The following MAP7 variants were observed in gnomAD, a reference collection of about 807,000 sequenced individuals.
MAP7 encodes microtubule associated protein 7.
A neutral mutation model predicts 94.8 loss-of-function variants in MAP7; 52 were observed. The observed-to-expected ratio is 0.55, with a 90% CI of 0.44 to 0.69. MAP7 has a LOEUF of 0.69. Ranked by LOEUF, MAP7 falls within the 30% of genes least tolerant of loss-of-function variation. The pLI, the probability that MAP7 is intolerant of heterozygous loss-of-function variation, is 0.00. For missense variants in MAP7, 940 were observed against 964.6 expected (o/e 0.97, Z 0.34); for synonymous variants, 350 against 357.0 (o/e 0.98, Z 0.22).
intron 3 of MAP7, among the ~76,000 whole-genome samples, chr6:136,391,553 A>AC: frequency 1.3e-5 from 1 of 79,360 alleles, no homozygotes; most frequent in Admixed American, 1.6e-4. Flanking sequence ...GAGTATAATA[A>AC]AAAACAACAA....
chr6:136,513,741 C>G (rs1823935893), intron 1 of MAP7, among the ~76,000 whole-genome samples: 1 of 152,156 alleles, frequency 6.6e-6, no homozygotes, highest in African/African-American at 2.4e-5. Flanking sequence ...AGATCCATTC[C>G]TTGTCTATGA....
intron 15 of MAP7, among the ~76,000 whole-genome samples, chr6:136,359,192 T>C (rs891815614): frequency 2.6e-5 from 4 of 152,206 alleles, no homozygotes; most frequent in Admixed American, 1.3e-4. Flanking sequence ...CCAAAGCCGA[T>C]GGCATATCAG....
At chr6:136,525,978 G>GTTTT in intron 1 of MAP7, 4 of 1,230,544 alleles carry the variant, frequency 3.3e-6, no homozygotes, top group South Asian at 3.3e-5. Context: ...GCTGCTACTT[G>GTTTT]TTTTTTTTTT....
intron 1 of MAP7, among the ~76,000 whole-genome samples, chr6:136,465,240 T>C (rs1416932844): frequency 6.6e-6 from 1 of 152,238 alleles, no homozygotes; most frequent in Non-Finnish European, 1.5e-5. Context: ...AAATTGAGTA[T>C]TTTAAGCCAC....
chr6:136,404,678 A>G (rs1785080983), intron 3 of MAP7, among the ~76,000 whole-genome samples: 1 of 152,200 alleles, frequency 6.6e-6, no homozygotes, highest in South Asian at 2.1e-4. Context: ...GGTTTCAGAA[A>G]AAGACTAAAT....
At chr6:136,394,129 G>A (rs573347694) in intron 3 of MAP7, among the ~76,000 whole-genome samples, 41 of 151,830 alleles carry the variant, frequency 2.7e-4, no homozygotes, top group African/African-American at 7.5e-4. Flanking sequence ...GACTACAGGC[G>A]CGTGCCACCA....
intron 17 of MAP7, among the ~76,000 whole-genome samples, chr6:136,345,338 C>T (rs1174658381): frequency 6.6e-6 from 1 of 152,204 alleles, no homozygotes; most frequent in Non-Finnish European, 1.5e-5. Flanking sequence ...TAAATCGTAA[C>T]TATCCATCAT....
Position 136,394,440 on chromosome 6 carries a change from T to C in MAP7, c.245-4923A>G, listed in dbSNP as rs1781725176. ...TGATAGGTTTAATTTTTTTTTATGTTTTTTATTGACGTAGAATAACTGTGC... is the reference window on the plus strand; with the variant it reads ...TGATAGGTTTAATTTTTTTTTATGTCTTTTATTGACGTAGAATAACTGTGC... On this transcript the variant is annotated intron_variant, in intron 3 of 17. Transcript: ENST00000354570. Among the ~76,000 whole-genome samples the C allele has an allele frequency of 2.6e-5, 4 of 152,136 alleles. No individual in the cohort carries two copies. In the South Asian group the frequency reaches 8.3e-4, roughly 31 times the overall value.
chr6:136,508,130 A>G (rs1163908516), intron 1 of MAP7, among the ~76,000 whole-genome samples: 1 of 151,968 alleles, frequency 6.6e-6, no homozygotes, highest in Non-Finnish European at 1.5e-5. Context: ...GTTTGAGACC[A>G]GCCTGGGCAA....
At chr6:136,503,236 C>T (rs1820325419) in intron 1 of MAP7, among the ~76,000 whole-genome samples, 1 of 152,168 alleles carries the variant, frequency 6.6e-6, no homozygotes, top group Admixed American at 6.5e-5. Flanking sequence ...AGGCGGCCAA[C>T]TTAACTTTTT....
chr6:136,467,839 G>T (rs1368608995), intron 1 of MAP7, among the ~76,000 whole-genome samples: 6 of 152,078 alleles, frequency 3.9e-5, no homozygotes, highest in African/African-American at 1.4e-4. Context: ...ATGTGAAAAG[G>T]AAAACACAAT....
chr6:136,401,782 A>T (rs1036660299), intron 3 of MAP7, among the ~76,000 whole-genome samples: 2 of 140,760 alleles, frequency 1.4e-5, no homozygotes, highest in South Asian at 2.2e-4. Context: ...AAGTATAATT[A>T]AAAAAAAAAA....
intron 1 of MAP7, among the ~76,000 whole-genome samples, chr6:136,547,282 A>G (rs1224698016): frequency 1.3e-5 from 2 of 152,244 alleles, no homozygotes. Flanking sequence ...CAGAATTGAC[A>G]GGTTATTGGC....
chr6:136,530,694 C>G (rs1270495992), intron 1 of MAP7, among the ~76,000 whole-genome samples: 1 of 145,126 alleles, frequency 6.9e-6, no homozygotes, highest in Non-Finnish European at 1.5e-5. Context: ...CAGCATCATG[C>G]ATAGCATAGA....
chr6:136,453,026 C>T (rs900954158), intron 1 of MAP7, among the ~76,000 whole-genome samples: 2 of 152,138 alleles, frequency 1.3e-5, no homozygotes, highest in Non-Finnish European at 2.9e-5. Flanking sequence ...AAAGTATCTA[C>T]AAGGTATGCC....
intron 7 of MAP7, among the ~76,000 whole-genome samples, chr6:136,376,366 T>C (rs761910047): frequency 3.3e-5 from 5 of 152,048 alleles, no homozygotes; most frequent in African/African-American, 7.3e-5. Context: ...CCCAAAGTGC[T>C]GGGATTACAG....
Position 136,380,101 on chromosome 6 carries a change from C to T in MAP7, c.638-2233G>A, listed in dbSNP as rs188780186. Among the ~76,000 whole-genome samples, 41 of 152,202 alleles carry T rather than the reference C, an allele frequency of 2.7e-4. No individual in the cohort carries two copies. In the East Asian group the frequency reaches 6.9e-3, roughly 26 times the overall value. On this transcript the variant is annotated intron_variant, in intron 6 of 17. Coordinates refer to ENST00000354570, the MANE Select transcript of MAP7 (RefSeq NM_003980.6). ...AGAGATATTAACTCTCATGGAACAACGCTATGGCATCGATCCTATTTAAGC... is the reference window on the plus strand; with the variant it reads ...AGAGATATTAACTCTCATGGAACAATGCTATGGCATCGATCCTATTTAAGC...
Position 136,377,940 on chromosome 6 carries a change from C to A in MAP7, c.638-72G>T, listed in dbSNP as rs554118505. ...GTCAAGAGGGCATAATACATCGTAC[C>A]TATTGCTTCCATACGCTGGGCCTTC... On this transcript the variant is annotated intron_variant, in intron 6 of 17. Transcript: ENST00000354570. The A allele has an allele frequency of 9.1e-6, 10 of 1,101,764 alleles. No homozygotes were observed. The Admixed American group carries it at 1.3e-4, about 14-fold the overall frequency. 68.2% of individuals were successfully genotyped at this position (1,101,764 alleles called of 1,614,324 possible). A position where few individuals can be genotyped will look rare whatever the true frequency, so the allele number is the denominator to read the frequency against.
intron 1 of MAP7, among the ~76,000 whole-genome samples, chr6:136,515,029 G>A (rs1054994412): frequency 1.3e-5 from 2 of 152,218 alleles, no homozygotes; most frequent in Non-Finnish European, 2.9e-5. Flanking sequence ...TTGAAACTCT[G>A]TTGTTTAGTG....
Sources: allele counts gnomAD v4.1 joint callset (sites outside exome capture counted in the v4.1 genomes callset), GRCh38; gene constraint gnomAD v4.1.1; transcripts MANE v1.5; gene names NCBI Gene and HGNC (gene_info 2026-07-23, HGNC 2026-07-21).